Variants in TRPM3 observed in about 807,000 individuals in gnomAD.
The protein encoded by TRPM3 is long transient receptor potential channel 3.
In TRPM3, 77 loss-of-function variants were observed where a neutral mutation model predicts 181.2. That is an observed-to-expected ratio of 0.42 (90% CI 0.35 to 0.51). TRPM3 has a LOEUF of 0.51. Among genes scored for constraint, TRPM3 ranks in the 20% least tolerant of loss-of-function variants. TRPM3 has a pLI of 0.01. For synonymous variants in TRPM3, 745 were observed against 796.4 expected (o/e 0.94, Z 1.09); for missense variants, 1,759 against 2,196.7 (o/e 0.80, Z 3.98).
At chr9:71,174,772 G>A (rs937372386) in intron 1 of TRPM3, among the ~76,000 whole-genome samples, 6 of 152,030 alleles carry the variant, frequency 3.9e-5, no homozygotes, top group African/African-American at 1.2e-4. Flanking sequence ...AGTATGGTTC[G>A]AAGCCAGGGT....
intron 1 of TRPM3, among the ~76,000 whole-genome samples, chr9:71,420,590 AAG>A (rs1378457527): frequency 2.0e-5 from 3 of 149,330 alleles, no homozygotes; most frequent in Non-Finnish European, 3.0e-5. Context: ...GAGAAAGAAA[AAG>A]AGAAAGAGAA....
intron 1 of TRPM3, among the ~76,000 whole-genome samples, chr9:71,433,080 T>C (rs376371188): frequency 1.3e-5 from 2 of 152,372 alleles, no homozygotes; most frequent in South Asian, 2.1e-4. Context: ...TTCATTTCTA[T>C]GCTGTGCTAT....
At chr9:70,574,488 C>T (rs72718970) in intron 22 of TRPM3, among the ~76,000 whole-genome samples, 1,523 of 152,260 alleles carry the variant, frequency 0.01, 13 homozygotes, top group Non-Finnish European at 0.016. Context: ...TTCTCTGAGT[C>T]CCAAATATGT....
intron 1 of TRPM3, among the ~76,000 whole-genome samples, chr9:71,158,466 A>T (rs933034678): frequency 1.3e-5 from 2 of 152,192 alleles, no homozygotes; most frequent in Non-Finnish European, 2.9e-5. Context: ...ACCAGATTCT[A>T]GTTACATAAT....
At chr9:71,205,085 A>G (rs1818184) in intron 1 of TRPM3, among the ~76,000 whole-genome samples, 65,043 of 151,486 alleles carry the variant, frequency 0.43, 14,361 homozygotes, top group East Asian at 0.52. Flanking sequence ...AGCAGGGAGG[A>G]ATTGCATTAG....
intron 7 of TRPM3, among the ~76,000 whole-genome samples, chr9:70,779,745 A>T (rs891164737): frequency 6.6e-6 from 1 of 152,194 alleles, no homozygotes; most frequent in Non-Finnish European, 1.5e-5. Flanking sequence ...TGTCATGTTT[A>T]GTCATTCATG....
At chr9:71,230,365 C>T (rs1565365227) in intron 1 of TRPM3, among the ~76,000 whole-genome samples, 1 of 149,364 alleles carries the variant, frequency 6.7e-6, no homozygotes, top group Non-Finnish European at 1.5e-5. Context: ...TTAATAGGTA[C>T]AAAAAAATAG....
chr9:71,032,090 ATTATATAATAT>A (rs1305358746), intron 1 of TRPM3, among the ~76,000 whole-genome samples: 6 of 1,060 alleles, frequency 5.7e-3, no homozygotes, highest in Non-Finnish European at 7.2e-3. Flanking sequence ...TATATATATA[ATTATATAATAT>A]TATATATATT....
At chr9:71,130,504 C>T (rs1317602181) in intron 1 of TRPM3, among the ~76,000 whole-genome samples, 1 of 152,046 alleles carries the variant, frequency 6.6e-6, no homozygotes, top group Admixed American at 6.5e-5. Flanking sequence ...TTTACTTGGA[C>T]TTCATATAAA....
At chr9:70,563,350 G>A (rs979963371) in intron 22 of TRPM3, among the ~76,000 whole-genome samples, 3 of 152,074 alleles carry the variant, frequency 2.0e-5, no homozygotes, top group Admixed American at 2.0e-4. Flanking sequence ...TGAATTCTAG[G>A]GTGGTTTTTC....
intron 1 of TRPM3, among the ~76,000 whole-genome samples, chr9:71,241,618 C>A (rs752115976): frequency 2.6e-5 from 4 of 151,912 alleles, no homozygotes; most frequent in Admixed American, 1.3e-4. Context: ...GCATGTTGTG[C>A]ACATGTACCC....
chr9:71,023,426 A>G (rs1205711579), intron 1 of TRPM3, among the ~76,000 whole-genome samples: 1 of 152,196 alleles, frequency 6.6e-6, no homozygotes, highest in South Asian at 2.1e-4. Flanking sequence ...TAGTTTGTCA[A>G]TGTCTCATAG....
rs73647934 is a variant in TRPM3 at position 71,030,834 on chromosome 9, A to G, written c.177+90344T>C. Among the ~76,000 whole-genome samples the G allele has an allele frequency of 9.4e-3, 1,437 of 152,190 alleles. 29 individuals are homozygous for G. Among genetic ancestry groups the G allele is most frequent in the African/African-American group, 0.033 (1,356 of 41,532 alleles). ...ACAAAGACTAACTAAATTTAAAGCT[A>G]TTTCTCCCAGAGCTTTTCATTTTAA... On this transcript the variant is annotated intron_variant, in intron 1 of 25. Transcript: ENST00000677713.
chr9:70,540,359 G>C (rs1649216917), intron 25 of TRPM3, among the ~76,000 whole-genome samples: 1 of 152,184 alleles, frequency 6.6e-6, no homozygotes, highest in Non-Finnish European at 1.5e-5. Context: ...TGACAGAGAT[G>C]AAGTTGTTGT....
At chr9:70,852,823 G>A (rs1251721114) in intron 3 of TRPM3, among the ~76,000 whole-genome samples, 1 of 152,114 alleles carries the variant, frequency 6.6e-6, no homozygotes, top group East Asian at 1.9e-4. Context: ...CCTAGATAAT[G>A]CAATCTCTCC....
At chr9:70,616,181 CGTGTGT>C in intron 17 of TRPM3, 106 bp from the exon 18 acceptor site, 1 of 806,766 alleles carries the variant, frequency 1.2e-6, no homozygotes, top group Non-Finnish European at 1.9e-6. Flanking sequence ...AGAGTGTATG[CGTGTGT>C]GTGTGTACAC....
intron 1 of TRPM3, among the ~76,000 whole-genome samples, chr9:70,980,364 G>A (rs942953875): frequency 2.0e-5 from 3 of 151,760 alleles, no homozygotes; most frequent in Non-Finnish European, 4.4e-5. Flanking sequence ...ACAGTCAGAA[G>A]GGGGAAAGAG....
At chr9:71,199,800 T>C (rs1587914136) in intron 1 of TRPM3, among the ~76,000 whole-genome samples, 1 of 151,972 alleles carries the variant, frequency 6.6e-6, no homozygotes, top group South Asian at 2.1e-4. Flanking sequence ...TCTATCAATT[T>C]TGTTGATCCT....
At chr9:71,177,462 T>C (rs988425906) in intron 1 of TRPM3, among the ~76,000 whole-genome samples, 4 of 152,096 alleles carry the variant, frequency 2.6e-5, no homozygotes, top group Admixed American at 6.6e-5. Flanking sequence ...GGCTATACCA[T>C]CCAGGTTTGG....
Sources: gnomAD v4.1 joint callset for allele counts (sites outside exome capture counted in the v4.1 genomes callset) on GRCh38, gnomAD v4.1.1 for gene constraint, MANE v1.5 for transcripts, NCBI Gene and HGNC (gene_info 2026-07-23, HGNC 2026-07-21) for gene names.